The following CDH13 variants were observed in gnomAD, a reference collection of about 807,000 sequenced individuals.
CDH13 encodes cadherin-13.
Under a neutral mutation model 63.8 loss-of-function variants are expected in CDH13, and 24 were observed. That is an observed-to-expected ratio of 0.38 (90% CI 0.27 to 0.53). The LOEUF is 0.53. Among genes scored for constraint, CDH13 ranks in the 20% least tolerant of loss-of-function variants. The pLI, the probability that CDH13 is intolerant of heterozygous loss-of-function variation, is 0.85. For missense variants in CDH13, 1,049 were observed against 903.1 expected, an observed-to-expected ratio of 1.16 and a Z score of -2.07; for synonymous variants, 503 against 355.3, an observed-to-expected ratio of 1.42 and a Z score of -4.67.
Position 83,080,876 on chromosome 16 carries a change from T to TTTTTTG in CDH13, c.367-44504_367-44503insGTTTTT, listed in dbSNP as rs1567810545. Among the ~76,000 whole-genome samples the TTTTTTG allele has an allele frequency of 1.7e-4, 16 of 94,740 alleles. 1 individual carries two copies. The highest frequency in any genetic ancestry group is 2.3e-4 in the Non-Finnish European group (11 of 47,610). The allele number at this position is 94,740 out of a possible 152,430, so 62.2% of individuals were successfully genotyped here. ...GAGTTTTGTTTTGTTTTTGTGTTTT[T>TTTTTTG]TTTTTTTTTTTTTTTTTTTTTTGAG... On this transcript the variant is annotated intron_variant, in intron 3 of 13. Coordinates refer to ENST00000567109, the MANE Select transcript of CDH13 (RefSeq NM_001257.5).
chr16:83,405,586 C>A (rs752790255), intron 6 of CDH13, among the ~76,000 whole-genome samples: 1 of 152,204 alleles, frequency 6.6e-6, no homozygotes, highest in Non-Finnish European at 1.5e-5. Flanking sequence ...AGACTCCCGA[C>A]CTCCAGAACT....
intron 2 of CDH13, among the ~76,000 whole-genome samples, chr16:83,011,665 G>A (rs1424694183): frequency 2.0e-5 from 3 of 152,192 alleles, no homozygotes; most frequent in African/African-American, 7.2e-5. Context: ...GGGACCAGGG[G>A]ACACCTGTGT....
In CDH13 at chr16:83,672,409, CTTTTTTTTTTTTTTTTTTTTTTT is replaced by C. The variant is rs34156503; in HGVS notation, c.1284+1449_1284+1471del. ...AGAGTGAGGCAGCTCTCTGGATTCT[CTTTTTTTTTTTTTTTTTTTTTTT>C]TTTTTTTTTTTGAGACAGAGTCTTG... On this transcript the variant is annotated intron_variant, in intron 9 of 13. Coordinates refer to ENST00000567109, the MANE Select transcript of CDH13 (RefSeq NM_001257.5). Among the ~76,000 whole-genome samples, 10 of 35,108 alleles carry C rather than the reference CTTTTTTTTTTTTTTTTTTTTTTT, an allele frequency of 2.8e-4. 1 individual carries two copies. The highest frequency in any genetic ancestry group is 1.6e-3 in the South Asian group (1 of 626). 23.0% of individuals were successfully genotyped at this position (35,108 alleles called of 152,430 possible). A position where few individuals can be genotyped will look rare whatever the true frequency, so the allele number is the denominator to read the frequency against.
chr16:83,454,501 G>C (rs1257347944), intron 6 of CDH13, among the ~76,000 whole-genome samples: 1 of 151,844 alleles, frequency 6.6e-6, no homozygotes, highest in African/African-American at 2.4e-5. Context: ...ATTTTACTTT[G>C]CATTTAATGT....
At position 83,396,638 on chromosome 16, in the gene CDH13, G is replaced by A. The variant is rs1286043239; in HGVS notation, c.781+51632G>A. On this transcript the variant is annotated intron_variant, in intron 6 of 13. Transcript: ENST00000567109. ...CACCCACCAGCAAGATGAAGGTAGG[G>A]TGGCCACTGACAGGTGACGTTCGTG... is the stretch of plus-strand genomic sequence containing the variant. 7 of 152,254 alleles carry A rather than the reference G, an allele frequency of 4.6e-5. No homozygotes were observed. The South Asian group carries it at 1.2e-3, about 27-fold the overall frequency. The allele number at this position is 152,254 out of a possible 1,614,324, so 9.4% of individuals were successfully genotyped here. A position where few individuals can be genotyped will look rare whatever the true frequency, so the allele number is the denominator to read the frequency against.
chr16:83,072,024 A>C (rs74030401), intron 3 of CDH13, among the ~76,000 whole-genome samples: 9,395 of 152,134 alleles, frequency 0.062, 416 homozygotes, highest in African/African-American at 0.13. Context: ...AAAAACTAAA[A>C]ATAAATATAT....
At chr16:82,963,746 C>G (rs1907390289) in intron 2 of CDH13, among the ~76,000 whole-genome samples, 1 of 151,676 alleles carries the variant, frequency 6.6e-6, no homozygotes, top group African/African-American at 2.4e-5. Context: ...TGGATGATTA[C>G]TCTGCATGTG....
At chr16:83,228,670 G>A (rs1418110492) in intron 5 of CDH13, among the ~76,000 whole-genome samples, 1 of 152,182 alleles carries the variant, frequency 6.6e-6, no homozygotes, top group Non-Finnish European at 1.5e-5. Flanking sequence ...GCATTTAATG[G>A]CACCTCCAGC....
chr16:82,850,227 G>GA (rs2039427395), intron 1 of CDH13, among the ~76,000 whole-genome samples: 1 of 21,004 alleles, frequency 4.8e-5, no homozygotes, highest in Admixed American at 7.0e-4. Flanking sequence ...TGTGATTCAT[G>GA]GGGGGTGGTT....
In CDH13 at chr16:83,779,965, C is replaced by T; in HGVS notation, c.1682-3C>T. 2 of 1,599,250 alleles carry T rather than the reference C, an allele frequency of 1.3e-6. No individual in the cohort carries two copies. Among genetic ancestry groups the T allele is most frequent in the Non-Finnish European group, 8.5e-7 (1 of 1,169,884 alleles). On this transcript the variant is annotated splice_polypyrimidine_tract_variant and splice_region_variant and intron_variant, in intron 11 of 13. Transcript: ENST00000567109. ...ATACCAACATCTTCCCTTTTTCCCA[C>T]AGGCAACCCTCCCGCTACGGGCACT...
In CDH13 at chr16:83,217,557, T is replaced by A; in HGVS notation, c.636+60T>A. The stretch of plus-strand genomic sequence containing the variant: ...AGAAATGTGGCTTTCAAAGATTGTT[T>A]TCTTCCCACTGAGCTCATTATTTCT... On this transcript the variant is annotated intron_variant, in intron 5 of 13. Coordinates refer to ENST00000567109, the MANE Select transcript of CDH13 (RefSeq NM_001257.5). 2.6e-6 allele frequency: 4 copies of A among 1,530,470 alleles called. No individual in the cohort carries two copies. The Middle Eastern group carries it at 8.0e-4, about 305-fold the overall frequency. 94.8% of individuals were successfully genotyped at this position (1,530,470 alleles called of 1,614,324 possible). A position where few individuals can be genotyped will look rare whatever the true frequency, so the allele number is the denominator to read the frequency against.
At chr16:82,846,901 TAAAAC>T (rs951645681) in intron 1 of CDH13, among the ~76,000 whole-genome samples, 17 of 152,106 alleles carry the variant, frequency 1.1e-4, no homozygotes, top group African/African-American at 3.9e-4. Flanking sequence ...AAAAATAAAA[TAAAAC>T]AAAATAAAAT....
chr16:83,526,478 T>G (rs1440965292), intron 7 of CDH13, among the ~76,000 whole-genome samples: 1 of 152,172 alleles, frequency 6.6e-6, no homozygotes, highest in Non-Finnish European at 1.5e-5. Context: ...CTAGATCCCT[T>G]GCATGCACAG....
At chr16:82,856,570 C>T (rs1388829537) in intron 1 of CDH13, among the ~76,000 whole-genome samples, 3 of 149,942 alleles carry the variant, frequency 2.0e-5, no homozygotes, top group African/African-American at 7.4e-5. Context: ...GGCTTGGTGA[C>T]GAGTGCCTGT....
intron 6 of CDH13, among the ~76,000 whole-genome samples, chr16:83,346,088 C>T (rs987705475): frequency 6.6e-6 from 1 of 152,158 alleles, no homozygotes; most frequent in Non-Finnish European, 1.5e-5. Flanking sequence ...GCATCAGATC[C>T]CCCAAGGGCA....
intron 5 of CDH13, among the ~76,000 whole-genome samples, chr16:83,303,768 C>G (rs1159051050): frequency 6.6e-6 from 1 of 152,108 alleles, no homozygotes; most frequent in Non-Finnish European, 1.5e-5. Context: ...TCTCAAAGAG[C>G]CATATTTTGG....
At chr16:83,309,608 C>T (rs2089956509) in intron 5 of CDH13, among the ~76,000 whole-genome samples, 1 of 152,180 alleles carries the variant, frequency 6.6e-6, no homozygotes, top group Non-Finnish European at 1.5e-5. Context: ...AACTCCTGAC[C>T]TCGTGATCCA....
At chr16:83,518,535 C>A (rs573221624) in intron 7 of CDH13, among the ~76,000 whole-genome samples, 122 of 147,526 alleles carry the variant, frequency 8.3e-4, no homozygotes, top group African/African-American at 3.0e-3. Flanking sequence ...TGCAGTGGTG[C>A]AATGTTGGCT....
intron 7 of CDH13, among the ~76,000 whole-genome samples, chr16:83,498,634 A>G (rs889585392): frequency 1.3e-5 from 2 of 152,210 alleles, no homozygotes; most frequent in Non-Finnish European, 2.9e-5. Context: ...AGAGACCTCA[A>G]TGTCACTAAG....
Sources: gnomAD v4.1 joint callset for allele counts (sites outside exome capture counted in the v4.1 genomes callset) on GRCh38, gnomAD v4.1.1 for gene constraint, MANE v1.5 for transcripts, NCBI Gene and HGNC (gene_info 2026-07-23, HGNC 2026-07-21) for gene names.